GLRA1: variants seen among roughly 807,000 people sequenced by gnomAD.
GLRA1 encodes glycine receptor subunit alpha-1.
A neutral mutation model predicts 48.3 loss-of-function variants in GLRA1; 37 were observed. The observed-to-expected ratio is 0.77, with a 90% CI of 0.59 to 1.01. The LOEUF is 1.01. GLRA1 is among the 50% of genes least tolerant of loss of function. The probability of loss-of-function intolerance (pLI) is 0.00; values close to 1 mark genes in which losing one functional copy is unlikely to be tolerated. For synonymous variants in GLRA1, 196 were observed against 210.7 expected (o/e 0.93, Z 0.60); for missense variants, 427 against 571.0 (o/e 0.75, Z 2.57).
At chr5:151,844,503 T>G (rs1752611873) in intron 7 of GLRA1, among the ~76,000 whole-genome samples, 1 of 151,102 alleles carries the variant, frequency 6.6e-6, no homozygotes, top group South Asian at 2.1e-4. Context: ...ATGCCTGTAA[T>G]TTCAGCTACT....
intron 7 of GLRA1, chr5:151,849,740 G>C (rs1395749673): frequency 8.6e-6 from 3 of 348,840 alleles, no homozygotes; most frequent in Non-Finnish European, 1.5e-5. Flanking sequence ...TTTTAGTAGA[G>C]ACGTGGTTTC....
At chr5:151,847,333 A>G (rs1752700874) in intron 7 of GLRA1, among the ~76,000 whole-genome samples, 1 of 152,230 alleles carries the variant, frequency 6.6e-6, no homozygotes, top group Non-Finnish European at 1.5e-5. Flanking sequence ...AGTAGAATGA[A>G]GTATCAAGTA....
At chr5:151,845,936 C>T (rs1283078476) in intron 7 of GLRA1, among the ~76,000 whole-genome samples, 1 of 152,228 alleles carries the variant, frequency 6.6e-6, no homozygotes, top group Non-Finnish European at 1.5e-5. Context: ...AAACATTACA[C>T]TAAATGAAAG....
chr5:151,839,465 T>G (rs1369182697), intron 7 of GLRA1, among the ~76,000 whole-genome samples: 4 of 152,242 alleles, frequency 2.6e-5, no homozygotes, highest in Non-Finnish European at 5.9e-5. Flanking sequence ...AGATGTAATT[T>G]GTATGATAAT....
intron 3 of GLRA1, among the ~76,000 whole-genome samples, chr5:151,861,434 T>G (rs1753201382): frequency 1.3e-5 from 2 of 152,226 alleles, no homozygotes; most frequent in Non-Finnish European, 2.9e-5. Flanking sequence ...TGGTGTGAGA[T>G]GGTATCTCAT....
intron 8 of GLRA1, among the ~76,000 whole-genome samples, chr5:151,823,620 G>A (rs1450169504): frequency 1.3e-5 from 2 of 152,114 alleles, no homozygotes; most frequent in Non-Finnish European, 2.9e-5. Context: ...CCACATCCCT[G>A]GCAGTTGTAA....
intron 3 of GLRA1, among the ~76,000 whole-genome samples, chr5:151,865,540 T>C (rs1319654848): frequency 6.6e-6 from 1 of 152,220 alleles, no homozygotes; most frequent in East Asian, 1.9e-4. Context: ...TTTTTCCTAA[T>C]AATAATGTGG....
At chr5:151,878,039 C>A (rs1292169627) in intron 3 of GLRA1, among the ~76,000 whole-genome samples, 1 of 152,152 alleles carries the variant, frequency 6.6e-6, no homozygotes, top group Non-Finnish European at 1.5e-5. Context: ...GTTTGGAGGG[C>A]TCAGAAGAGG....
intron 7 of GLRA1, among the ~76,000 whole-genome samples, chr5:151,844,836 G>A (rs1752627611): frequency 6.6e-6 from 1 of 151,698 alleles, no homozygotes; most frequent in African/African-American, 2.4e-5. Flanking sequence ...AAGAAAAAAT[G>A]GTTTATTTGG....
chr5:151,850,819 G>A, intron 7 of GLRA1: 1 of 748,458 alleles, frequency 1.3e-6, no homozygotes, highest in Non-Finnish European at 2.4e-6. Flanking sequence ...CAGCCGTCGA[G>A]CCCCTCCTAG....
At chr5:151,833,372 A>G (rs1023257769) in intron 7 of GLRA1, among the ~76,000 whole-genome samples, 6 of 152,230 alleles carry the variant, frequency 3.9e-5, no homozygotes, top group Admixed American at 2.0e-4. Context: ...ATAAAGAATC[A>G]AGACTCATCA....
chr5:151,911,600 G>GTTTTTTTTTTTTTTTTT (rs768033241), intron 1 of GLRA1, among the ~76,000 whole-genome samples: 1 of 92,342 alleles, frequency 1.1e-5, no homozygotes, highest in Non-Finnish European at 2.1e-5. Context: ...CCAAGCTAGA[G>GTTTTTTTTTTTTTTTTT]TTTTTTTTTT....
At chr5:151,888,538 G>A (rs1561572878) in intron 2 of GLRA1, among the ~76,000 whole-genome samples, 1 of 152,154 alleles carries the variant, frequency 6.6e-6, no homozygotes, top group Non-Finnish European at 1.5e-5. Flanking sequence ...AGATTTTAGG[G>A]CTGGAAGGTT....
chr5:151,897,222 A>C (rs1202808434), intron 1 of GLRA1, among the ~76,000 whole-genome samples: 1 of 152,138 alleles, frequency 6.6e-6, no homozygotes, highest in Non-Finnish European at 1.5e-5. Flanking sequence ...TACAATTTGC[A>C]CAGGATTATT....
intron 1 of GLRA1, among the ~76,000 whole-genome samples, chr5:151,907,160 T>G (rs1258424999): frequency 6.6e-6 from 1 of 150,438 alleles, no homozygotes; most frequent in African/African-American, 2.4e-5. Context: ...ATCTATAAAC[T>G]AAGAATATGG....
Position 151,849,104 on chromosome 5 carries a change from T to TTTTCTCTCTTTCTTTC in GLRA1, c.912+2285_912+2286insGAAAGAAAGAGAGAAA, listed in dbSNP as rs1752771752. 2 of 116,064 alleles carry TTTTCTCTCTTTCTTTC rather than the reference T, an allele frequency of 1.7e-5. 1 individual carries two copies. The highest frequency in any genetic ancestry group is 3.1e-5 in the Non-Finnish European group (2 of 64,024). 7.2% of individuals were successfully genotyped at this position (116,064 alleles called of 1,614,324 possible). ...TTTTCTTTCCTTTTTATTTCTTTTC[T>TTTTCTCTCTTTCTTTC]TTTCTTTCTTTCTTTCTTTCTTTCT... On this transcript the variant is annotated intron_variant, in intron 7 of 8. Coordinates refer to ENST00000274576, the MANE Select transcript of GLRA1 (RefSeq NM_000171.4).
In GLRA1 at chr5:151,914,513, A is replaced by G. The variant is rs1372403798; in HGVS notation, c.56+9981T>C. On this transcript the variant is annotated intron_variant, in intron 1 of 8. Coordinates refer to ENST00000274576, the MANE Select transcript of GLRA1 (RefSeq NM_000171.4). Reference sequence around the variant, plus strand: ...TGTCTGGGGGTTAGAGAACACAGCTAAAAATGTCTTTGGTCTGAGTATAAG... The same window carrying G: ...TGTCTGGGGGTTAGAGAACACAGCTGAAAATGTCTTTGGTCTGAGTATAAG... Among the ~76,000 whole-genome samples the G allele has an allele frequency of 2.0e-5, 3 of 152,290 alleles. No homozygotes were observed. In the East Asian group the frequency reaches 5.8e-4, roughly 29 times the overall value.
In GLRA1 at chr5:151,855,080, T is replaced by C. The variant is rs146034962; in HGVS notation, c.657A>G (p.Glu219=). The C allele has an allele frequency of 8.1e-5, 130 of 1,614,046 alleles. No individual in the cohort carries two copies. Among genetic ancestry groups the C allele is most frequent in the Non-Finnish European group, 1.0e-4 (118 of 1,179,990 alleles). ...GLTLPQFILK[E]EKDLRYCTKH... is the part of the protein sequence containing the mutation. ...TGGTGCAGTATCTCAAGTCCTTCTCTTCCTTCAAGATAAACTGGGGCAGAG... is the reference window on the plus strand; with the variant it reads ...TGGTGCAGTATCTCAAGTCCTTCTCCTCCTTCAAGATAAACTGGGGCAGAG... Residue 219 remains glutamate (E), a synonymous_variant, in exon 6 of 9, where the codon GAA becomes GAG. Transcript: ENST00000274576.
In GLRA1 at chr5:151,908,331, T is replaced by A. The variant is rs918763150; in HGVS notation, c.57-15893A>T. Among the ~76,000 whole-genome samples the A allele has an allele frequency of 3.5e-4, 54 of 152,256 alleles. 1 individual carries two copies. Among genetic ancestry groups the A allele is most frequent in the Admixed American group, 1.3e-4 (2 of 15,292 alleles). On this transcript the variant is annotated intron_variant, in intron 1 of 8. Transcript: ENST00000274576. ...CCAACTGCTTTGGAAAATATCTTCC[T>A]TTCTCTATCCTCTTGTTTCTTCCTC... is the stretch of plus-strand genomic sequence containing the variant.
Sources: allele counts gnomAD v4.1 joint callset (sites outside exome capture counted in the v4.1 genomes callset), GRCh38; gene constraint gnomAD v4.1.1; transcripts MANE v1.5; gene names NCBI Gene and HGNC (gene_info 2026-07-23, HGNC 2026-07-21).